The following IRS4 variants were observed in gnomAD, a reference collection of about 807,000 sequenced individuals.
IRS4 encodes the protein insulin receptor substrate 4, also known as 160 kDa phosphotyrosine protein.
Under a neutral mutation model 48.6 loss-of-function variants are expected in IRS4, and 15 were observed. That is an observed-to-expected ratio of 0.31 (90% CI 0.21 to 0.48). The LOEUF (loss-of-function observed/expected upper bound fraction) is 0.48. Among genes scored for constraint, IRS4 ranks in the 20% least tolerant of loss-of-function variants. The pLI is 0.99. For missense variants in IRS4, 987 were observed against 1,023.4 expected (o/e 0.96, Z 0.49); for synonymous variants, 459 against 413.2 (o/e 1.11, Z -1.34).
chrX:108,730,039 T>C (rs1258220611), intron 1 of IRS4, among the ~76,000 whole-genome samples: 3 of 111,979 alleles, frequency 2.7e-5, no homozygotes, highest in Non-Finnish European at 5.6e-5. Flanking sequence ...TTGAAATACA[T>C]AACTTCTAAT....
At chrX:108,730,560 G>A (rs1196677873) in intron 1 of IRS4, among the ~76,000 whole-genome samples, 5 of 111,646 alleles carry the variant, frequency 4.5e-5, no homozygotes, top group African/African-American at 3.3e-5. Context: ...CTAAGCGCCT[G>A]CCTCCCTGTG....
intron 1 of IRS4, chrX:108,723,379 G>A (rs1455489598): frequency 8.9e-6 from 1 of 111,754 alleles, no homozygotes; most frequent in Non-Finnish European, 1.9e-5. Flanking sequence ...TTAAAGAGAT[G>A]AGGTCTCACT....
chrX:108,735,023 G>C lies in IRS4; in HGVS notation c.1322C>G (p.Ala441Gly), dbSNP rs777991440. Residue 441 changes from alanine to glycine, a missense_variant, in exon 1 of 2, where the codon GCA becomes GGA. Coordinates refer to ENST00000372129, the MANE Select transcript of IRS4 (RefSeq NM_001379150.1). The part of the protein sequence containing the change: ...SFFRRLAPSP[A>G]RPRHPAEAPN... ...GGCTTCTGCAGGGTGCCGGGGACGTGCTGGGCTGGGTGCTAAGCGGCGAAA... is the reference window on the plus strand; with the variant it reads ...GGCTTCTGCAGGGTGCCGGGGACGTCCTGGGCTGGGTGCTAAGCGGCGAAA... 22 of 1,210,304 alleles carry C rather than the reference G, an allele frequency of 1.8e-5. No individual in the cohort carries two copies. The highest frequency in any genetic ancestry group is 2.3e-5 in the Non-Finnish European group (21 of 895,331).
intron 1 of IRS4, among the ~76,000 whole-genome samples, chrX:108,731,206 G>A (rs1447384616): frequency 9.1e-6 from 1 of 110,450 alleles, no homozygotes; most frequent in East Asian, 2.8e-4. Flanking sequence ...CTATAGCAGG[G>A]AGAAAAAGGG....
At position 108,735,331 on chromosome X, in the gene IRS4, G is replaced by C. The variant is rs1349159613; in HGVS notation, c.1014C>G (p.Ala338=). The C allele has an allele frequency of 1.1e-5, 13 of 1,211,554 alleles. No homozygotes were observed. Among genetic ancestry groups the C allele is most frequent in the East Asian group, 5.9e-5 (2 of 33,770 alleles). The change falls in exon 1 of 2, where the codon GCC becomes GCG. Residue 338 remains alanine, a synonymous_variant. Coordinates refer to ENST00000372129, the MANE Select transcript of IRS4 (RefSeq NM_001379150.1). ...MRALCADEYR[A]RCRSYSISIG... ...TGCTGATGCTGTAGCTGCGGCAGCGGGCTCTGTATTCGTCTGCACACAAGG... is the reference window on the plus strand; with the variant it reads ...TGCTGATGCTGTAGCTGCGGCAGCGCGCTCTGTATTCGTCTGCACACAAGG...
Position 108,734,187 on chromosome X carries a change from T to C in IRS4, c.2158A>G (p.Met720Val), listed in dbSNP as rs756515078. 1.7e-5 allele frequency: 20 copies of C among 1,208,856 alleles called. No individual in the cohort carries two copies. In the East Asian group the frequency reaches 4.2e-4, roughly 25 times the overall value. Residue 720 changes from methionine to valine, a missense_variant, in exon 1 of 2, where the codon ATG becomes GTG. By Grantham distance (21) the Met-to-Val change is conservative. Around this residue, in one of 4 missense-constraint regions of IRS4, gnomAD observed 720 missense variants for 660.3 expected, o/e 1.09. Coordinates refer to ENST00000372129, the MANE Select transcript of IRS4 (RefSeq NM_001379150.1). ...GAAGCAGAGACATTTTGAGGAGCCATTGGCATATAATCACTGGAGCTTACA... is the reference window on the plus strand; with the variant it reads ...GAAGCAGAGACATTTTGAGGAGCCACTGGCATATAATCACTGGAGCTTACA... ...PLVSSSDYMP[M>V]APQNVSASKK...
Position 108,734,792 on chromosome X carries a change from C to G in IRS4, c.1553G>C (p.Gly518Ala), listed in dbSNP as rs888661272. Residue 518 changes from glycine to alanine, a missense_variant, in exon 1 of 2, where the codon GGA (glycine) becomes GCA (alanine). By Grantham distance (60) the Gly-to-Ala change is moderately conservative (BLOSUM62 0). Around this residue, in one of 4 missense-constraint regions of IRS4, gnomAD observed 720 missense variants for 660.3 expected, o/e 1.09. Transcript: ENST00000372129. ...NGQGSSSHSS[G>A]GNQCSGEGQG... ...TCCCTCGCCTGAACACTGGTTTCCT[C>G]CCGAGCTATGGCTACTGGAGCCTTG... is the stretch of plus-strand genomic sequence containing the variant. The G allele has an allele frequency of 8.3e-7, 1 of 1,211,472 alleles. No homozygotes were observed. Among genetic ancestry groups the G allele is most frequent in the East Asian group, 3.0e-5 (1 of 33,810 alleles).
rs756175201 is a variant in IRS4, at chrX:108,720,506, C to T, written c.*2013G>A. On this transcript the variant is annotated 3_prime_UTR_variant, in exon 2 of 2. Transcript: ENST00000372129. ...TCATTCATTTATTCAGCAACTGTTA[C>T]ATCTGTGCTGTACCCTCTGTACCCT... 1 of 112,076 alleles carries T rather than the reference C, an allele frequency of 8.9e-6. No homozygotes were observed. Among genetic ancestry groups the T allele is most frequent in the Non-Finnish European group, 1.9e-5 (1 of 53,306 alleles). The allele number at this position is 112,076 out of a possible 1,213,427, so 9.2% of individuals were successfully genotyped here.
At chrX:108,728,588 A>G (rs1181204326) in intron 1 of IRS4, among the ~76,000 whole-genome samples, 4 of 112,253 alleles carry the variant, frequency 3.6e-5, no homozygotes, top group Non-Finnish European at 7.5e-5. Context: ...ATCCATCAGT[A>G]AAATAATGAA....
chrX:108,732,342 A>G (rs1173404835), intron 1 of IRS4: 10 of 423,104 alleles, frequency 2.4e-5, no homozygotes, highest in Admixed American at 1.8e-4. Flanking sequence ...CTCCTAAAAA[A>G]GTAGAACCAG....
intron 1 of IRS4, chrX:108,726,163 A>G (rs1033475878): frequency 8.9e-6 from 1 of 112,757 alleles, no homozygotes; most frequent in Non-Finnish European, 1.9e-5. Flanking sequence ...CTCAGAATAA[A>G]TTATCTTGTA....
At chrX:108,732,535 C>A (rs202137028) in intron 1 of IRS4, 44 bp downstream of exon 1, 31 of 1,208,910 alleles carry the variant, frequency 2.6e-5, no homozygotes, top group Non-Finnish European at 3.5e-5. Context: ...AATCATTAGA[C>A]AATGACCATT....
intron 1 of IRS4, among the ~76,000 whole-genome samples, chrX:108,725,585 T>C (rs2068871149): frequency 9.0e-6 from 1 of 111,197 alleles, no homozygotes; most frequent in Non-Finnish European, 1.9e-5. Flanking sequence ...GTAGGTTTTT[T>C]TGTTTTTTCT....
rs1428804535 is a variant in IRS4, at chrX:108,720,700, T to G, written c.*1819A>C. 9.0e-6 allele frequency: 1 copy of G among 111,422 alleles called. No homozygotes were observed. Among genetic ancestry groups the G allele is most frequent in the Non-Finnish European group, 1.9e-5 (1 of 53,070 alleles). 9.2% of individuals were successfully genotyped at this position (111,422 alleles called of 1,213,427 possible). A position where few individuals can be genotyped will look rare whatever the true frequency, so the allele number is the denominator to read the frequency against. On this transcript the variant is annotated 3_prime_UTR_variant, in exon 2 of 2. Coordinates refer to ENST00000372129, the MANE Select transcript of IRS4 (RefSeq NM_001379150.1). ...TTGCCTAAAGAGCGCGTTGTTATAA[T>G]GAACAAAAGCCACACTGCGTTATTT... is the stretch of plus-strand genomic sequence containing the variant.
At position 108,735,021 on chromosome X, in the gene IRS4, G is replaced by C. The variant is rs772779082; in HGVS notation, c.1324C>G (p.Arg442Gly). ...GGGGCTTCTGCAGGGTGCCGGGGAC[G>C]TGCTGGGCTGGGTGCTAAGCGGCGA... ...FFRRLAPSPA[R>G]PRHPAEAPNN... is the part of the protein sequence containing the mutation. Residue 442 changes from arginine (R) to glycine (G), a missense_variant, in exon 1 of 2, where the codon CGT (arginine) becomes GGT (glycine). Arg to Gly is a moderately radical substitution (Grantham distance 125). Around this residue, in one of 4 missense-constraint regions of IRS4, gnomAD observed 720 missense variants for 660.3 expected, o/e 1.09. Transcript: ENST00000372129. 3.3e-6 allele frequency: 4 copies of C among 1,210,257 alleles called. No homozygotes were observed. The highest frequency in any genetic ancestry group is 4.5e-6 in the Non-Finnish European group (4 of 895,329).
Position 108,735,942 on chromosome X carries a change from C to G in IRS4, c.403G>C (p.Gly135Arg). Residue 135 changes from glycine to arginine, a missense_variant, in exon 1 of 2, where the codon GGC becomes CGC. Physicochemically the swap from Gly to Arg is moderately radical, Grantham distance 125. This residue lies in a region of IRS4 where 173 missense variants were observed against 208.9 expected (regional missense o/e 0.83). Transcript: ENST00000372129. Reference protein sequence around the residue: ...AAAAAAAAASGAAIPPLIPPR... With the variant: ...AAAAAAAAASRAAIPPLIPPR... The stretch of plus-strand genomic sequence containing the variant: ...GGAATGAGCGGGGGGATCGCGGCGC[C>G]AGAGGCGGCCGCCGCTGCTGCAGCC... The G allele has an allele frequency of 8.3e-7, 1 of 1,203,208 alleles. No homozygotes were observed. The highest frequency in any genetic ancestry group is 1.1e-6 in the Non-Finnish European group (1 of 891,676).
chrX:108,732,678 G>A lies in IRS4; in HGVS notation c.3667C>T (p.Pro1223Ser). The A allele has an allele frequency of 8.3e-7, 1 of 1,211,528 alleles. No homozygotes were observed. Among genetic ancestry groups the A allele is most frequent in the Non-Finnish European group, 1.1e-6 (1 of 895,308 alleles). ...PEPPPRSRRV[P>S]RPPEREDSDN... is the part of the protein sequence containing the mutation. Reference sequence around the variant, plus strand: ...GAATCTTCTCTCTCCGGGGGTCTTGGCACCCGGCGACTGCGAGGTGGTGGT... The same window carrying A: ...GAATCTTCTCTCTCCGGGGGTCTTGACACCCGGCGACTGCGAGGTGGTGGT... The change falls in exon 1 of 2, where the codon CCA (proline) becomes TCA (serine). Residue 1223 changes from proline (P) to serine (S), a missense_variant. Around this residue, in one of 4 missense-constraint regions of IRS4, gnomAD observed 720 missense variants for 660.3 expected, o/e 1.09. Transcript: ENST00000372129.
chrX:108,732,030 T>G (rs1312574314), intron 1 of IRS4, among the ~76,000 whole-genome samples: 1 of 112,544 alleles, frequency 8.9e-6, no homozygotes, highest in Non-Finnish European at 1.9e-5. Flanking sequence ...AATTGAGATT[T>G]AACTTTCTTG....
intron 1 of IRS4, among the ~76,000 whole-genome samples, chrX:108,732,281 G>T (rs1345648339): frequency 8.9e-6 from 1 of 112,111 alleles, no homozygotes; most frequent in Non-Finnish European, 1.9e-5. Context: ...TAAATGATGG[G>T]GAAGGATGTT....
Sources: gnomAD v4.1 joint callset for allele counts (sites outside exome capture counted in the v4.1 genomes callset) on GRCh38, gnomAD v4.1.1 for gene constraint, gnomAD v4.1.1 regional missense constraint, MANE v1.5 for transcripts, NCBI Gene and HGNC (gene_info 2026-07-23, HGNC 2026-07-21) for gene names.